The following PI4KA variants were observed in gnomAD, a reference collection of about 807,000 sequenced individuals.
PI4KA encodes phosphatidylinositol 4-kinase alpha.
A neutral mutation model predicts 271.4 loss-of-function variants in PI4KA; 122 were observed. The observed-to-expected ratio is 0.45, with a 90% CI of 0.39 to 0.52. The LOEUF (loss-of-function observed/expected upper bound fraction) is 0.52, where lower values mean the gene tolerates loss of function less well. Among genes scored for constraint, PI4KA ranks in the 20% least tolerant of loss-of-function variants. The pLI is 0.00. For synonymous variants in PI4KA, 1,041 were observed against 1,078.8 expected, an observed-to-expected ratio of 0.96 and a Z score of 0.69; for missense variants, 1,969 against 2,769.1, an observed-to-expected ratio of 0.71 and a Z score of 6.48.
At chr22:20,786,905 G>A (rs142451096) in intron 19 of PI4KA, 78 of 1,614,052 alleles carry the variant, frequency 4.8e-5, no homozygotes, top group Non-Finnish European at 6.1e-5. Flanking sequence ...CACAGTGAAC[G>A]AGGAAGGCAC....
At chr22:20,732,103 G>T (rs1928141147) in intron 36 of PI4KA, among the ~76,000 whole-genome samples, 1 of 152,052 alleles carries the variant, frequency 6.6e-6, no homozygotes, top group African/African-American at 2.4e-5. Context: ...ATACCCGGGA[G>T]GCAGAGCTTG....
intron 2 of PI4KA, among the ~76,000 whole-genome samples, chr22:20,835,268 T>C (rs978673201): frequency 4.6e-5 from 7 of 152,218 alleles, no homozygotes; most frequent in Non-Finnish European, 1.0e-4. Flanking sequence ...AACACCAATA[T>C]ATAGCTTCGT....
At chr22:20,814,744 G>C (rs1183257695) in intron 7 of PI4KA, among the ~76,000 whole-genome samples, 1 of 146,382 alleles carries the variant, frequency 6.8e-6, no homozygotes, top group Non-Finnish European at 1.5e-5. Context: ...GTAAAATCCT[G>C]TATTAAAAAA....
chr22:20,742,106 G>A (rs1929527329), intron 32 of PI4KA, 122 bp downstream of exon 32: 1 of 957,210 alleles, frequency 1.0e-6, no homozygotes, highest in East Asian at 2.4e-5. Flanking sequence ...AGGAGACTGA[G>A]GCTTGAGAAG....
At chr22:20,783,871 A>T (rs1209022915) in intron 19 of PI4KA, 1 of 1,514,580 alleles carries the variant, frequency 6.6e-7, no homozygotes, top group Non-Finnish European at 9.2e-7. Context: ...TCTGCAGGCT[A>T]TCTGAATGAG....
In PI4KA at chr22:20,793,235, G is replaced by T; in HGVS notation, c.2286C>A (p.Ser762Arg). Residue 762 changes from serine to arginine, a missense_variant, in exon 19 of 55, where the codon AGC becomes AGA. Physicochemically the swap from Ser to Arg is moderately radical, Grantham distance 110. This residue lies in a region of PI4KA where 368 missense variants were observed against 544.3 expected (regional missense o/e 0.68). Transcript: ENST00000255882. ...TGAGTACTCCCAAGTTCCCTGCACT[G>T]CTAGAAGCCTAGAAAAGAACAGAAT... ...SEKGPALKAS[S>R]SAGNLGVLIP... is the part of the protein sequence containing the mutation. The T allele has an allele frequency of 6.4e-7, 1 of 1,567,138 alleles. No homozygotes were observed. Among genetic ancestry groups the T allele is most frequent in the Non-Finnish European group, 8.8e-7 (1 of 1,137,464 alleles).
At position 20,789,352 on chromosome 22, in the gene PI4KA, C is replaced by T. The variant is rs567024752; in HGVS notation, c.2328+3841G>A. Among the ~76,000 whole-genome samples the T allele has an allele frequency of 1.8e-4, 28 of 152,240 alleles. No homozygotes were observed. In the South Asian group the frequency reaches 5.0e-3, roughly 27 times the overall value. On this transcript the variant is annotated intron_variant, in intron 19 of 54. Transcript: ENST00000255882. Reference sequence around the variant, plus strand: ...ATTCATTTATTTTATTTTTTTGAGACGGAGTCTCGCTCTGTTGCCCAGGCT... The same window carrying T: ...ATTCATTTATTTTATTTTTTTGAGATGGAGTCTCGCTCTGTTGCCCAGGCT...
chr22:20,858,791 G>A lies in PI4KA; in HGVS notation c.-66C>T, dbSNP rs1315677707. On this transcript the variant is annotated 5_prime_UTR_variant, in exon 1 of 55. Coordinates refer to ENST00000255882, the MANE Select transcript of PI4KA (RefSeq NM_058004.4). The stretch of plus-strand genomic sequence containing the variant: ...CTGGCCCGCGAGCGCCCGACCTCAG[G>A]GCGCAGGCGTAGGTGCATCCGGCTT... The A allele has an allele frequency of 1.8e-5, 24 of 1,367,096 alleles. No homozygotes were observed. Among genetic ancestry groups the A allele is most frequent in the Non-Finnish European group, 2.3e-5 (24 of 1,056,726 alleles). 84.7% of individuals were successfully genotyped at this position (1,367,096 alleles called of 1,614,324 possible).
At chr22:20,726,684 C>T (rs1456607620) in intron 41 of PI4KA, 143 bp from the exon 42 acceptor site, 1 of 702,848 alleles carries the variant, frequency 1.4e-6, no homozygotes, top group Non-Finnish European at 2.4e-6. Context: ...GCAAAATGAC[C>T]GATGGCTCAG....
At chr22:20,853,259 G>A (rs1601625957) in intron 1 of PI4KA, among the ~76,000 whole-genome samples, 2 of 152,084 alleles carry the variant, frequency 1.3e-5, no homozygotes, top group East Asian at 1.9e-4. Flanking sequence ...CATGACTCTC[G>A]GTATCCCAGG....
intron 43 of PI4KA, among the ~76,000 whole-genome samples, chr22:20,719,038 G>T (rs1433144840): frequency 2.0e-5 from 3 of 152,216 alleles, no homozygotes; most frequent in Non-Finnish European, 4.4e-5. Flanking sequence ...CTCAAGGCAG[G>T]GGCCAAGCGC....
rs1930497060 is a variant in PI4KA at position 20,749,980 on chromosome 22, G to A, written c.3168C>T (p.Asp1056=). The part of the protein sequence containing the change: ...TYEARESIVK[D]FAARCGMILQ... The stretch of plus-strand genomic sequence containing the variant: ...GGATCATCCCACAGCGTGCAGCGAA[G>A]TCCTTCACAATGCTCTGGAAGAGGG... The change falls in exon 28 of 55, where the codon GAC becomes GAT. Residue 1056 remains aspartate (D), a synonymous_variant. Transcript: ENST00000255882. 1 of 1,612,792 alleles carries A rather than the reference G, an allele frequency of 6.2e-7. No homozygotes were observed.
At chr22:20,719,969 T>TTGCAGG (rs1926506101) in intron 43 of PI4KA, among the ~76,000 whole-genome samples, 1 of 135,362 alleles carries the variant, frequency 7.4e-6, no homozygotes, top group African/African-American at 2.8e-5. Context: ...GAGCTTGCAG[T>TTGCAGG]GAGCCGAGAT....
Position 20,858,586 on chromosome 22 carries a change from G to A in PI4KA, c.140C>T (p.Pro47Leu), listed in dbSNP as rs1927957453. 1.6e-5 allele frequency: 23 copies of A among 1,437,224 alleles called. No individual in the cohort carries two copies. The highest frequency in any genetic ancestry group is 2.1e-5 in the Non-Finnish European group (23 of 1,095,264). 89.0% of individuals were successfully genotyped at this position (1,437,224 alleles called of 1,614,324 possible). A position where few individuals can be genotyped will look rare whatever the true frequency, so the allele number is the denominator to read the frequency against. The change falls in exon 1 of 55, where the codon CCA (proline) becomes CTA (leucine). Residue 47 changes from proline to leucine, a missense_variant. Coordinates refer to ENST00000255882, the MANE Select transcript of PI4KA (RefSeq NM_058004.4). ...CGACGTTACCTTCTCCAAGGATGCT[G>A]GTCTCTGCACCGCCAGGGAGCGGGC... The part of the protein sequence containing the change: ...SLARSLAVQR[P>L]ASLEKVQKLL...
chr22:20,721,024 G>A lies in PI4KA; in HGVS notation c.5116+274C>T, dbSNP rs73877761. 3.2e-3 allele frequency among the ~76,000 whole-genome samples: 488 copies of A among 152,322 alleles called. 3 individuals are homozygous for A. The highest frequency in any genetic ancestry group is 0.011 in the African/African-American group (456 of 41,546). ...TGCAGTCACAGTTGTGTTGACCATG[G>A]AGACTCTGCAGAAGCAGCCACTGGA... is the stretch of plus-strand genomic sequence containing the variant. On this transcript the variant is annotated intron_variant, in intron 43 of 54. Transcript: ENST00000255882.
At chr22:20,839,972 T>C (rs1032324941) in intron 1 of PI4KA, among the ~76,000 whole-genome samples, 1 of 152,172 alleles carries the variant, frequency 6.6e-6, no homozygotes, top group Non-Finnish European at 1.5e-5. Flanking sequence ...ATTCAAAGAA[T>C]GCTGATTAAT....
At chr22:20,761,975 C>T (rs979292897) in intron 22 of PI4KA, among the ~76,000 whole-genome samples, 2 of 152,176 alleles carry the variant, frequency 1.3e-5, no homozygotes, top group Admixed American at 6.5e-5. Flanking sequence ...GAAGTATTCA[C>T]GTCTACAAAA....
intron 42 of PI4KA, among the ~76,000 whole-genome samples, chr22:20,723,485 G>A (rs1926986743): frequency 6.6e-6 from 1 of 151,652 alleles, no homozygotes; most frequent in South Asian, 2.1e-4. Context: ...ATCACCTGAG[G>A]TCAGGAGTTT....
At chr22:20,729,181 G>C in intron 39 of PI4KA, 132 bp downstream of exon 39, 1 of 733,566 alleles carries the variant, frequency 1.4e-6, no homozygotes, top group South Asian at 1.9e-5. Flanking sequence ...GGGGCTCGAG[G>C]ACTAGACTAC....
Sources: gnomAD v4.1 joint callset for allele counts (sites outside exome capture counted in the v4.1 genomes callset) on GRCh38, gnomAD v4.1.1 for gene constraint, gnomAD v4.1.1 regional missense constraint, MANE v1.5 for transcripts, NCBI Gene and HGNC (gene_info 2026-07-23, HGNC 2026-07-21) for gene names.